The following TRDN variants were observed in gnomAD, a reference collection of about 807,000 sequenced individuals.
TRDN encodes the protein triadin.
Under a neutral mutation model 149.7 loss-of-function variants are expected in TRDN, and 161 were observed. That is an observed-to-expected ratio of 1.08 (90% CI 0.95 to 1.23). TRDN has a LOEUF of 1.23. Among genes scored for constraint, TRDN ranks in the 50% most tolerant of loss-of-function variants. The pLI is 0.00. For synonymous variants in TRDN, 294 were observed against 250.5 expected (o/e 1.17, Z -1.64); for missense variants, 896 against 823.5 (o/e 1.09, Z -1.08).
At chr6:123,463,696 A>T (rs954366367) in intron 10 of TRDN, among the ~76,000 whole-genome samples, 4 of 151,844 alleles carry the variant, frequency 2.6e-5, no homozygotes, top group Non-Finnish European at 5.9e-5. Flanking sequence ...TTTGTGTCAA[A>T]TTCTCTTAAG....
chr6:123,332,930 C>T (rs958409686), intron 22 of TRDN, among the ~76,000 whole-genome samples: 4 of 151,988 alleles, frequency 2.6e-5, no homozygotes, highest in Non-Finnish European at 2.9e-5. Flanking sequence ...ATTTTCTTGT[C>T]GGGTAAGCTG....
intron 1 of TRDN, among the ~76,000 whole-genome samples, chr6:123,609,381 TATAAC>T (rs1273351793): frequency 2.0e-5 from 3 of 152,120 alleles, no homozygotes; most frequent in Non-Finnish European, 2.9e-5. Context: ...AATATATAAT[TATAAC>T]ATACATGTGA....
At chr6:123,509,241 A>T (rs1779061430) in intron 7 of TRDN, among the ~76,000 whole-genome samples, 1 of 151,980 alleles carries the variant, frequency 6.6e-6, no homozygotes, top group African/African-American at 2.4e-5. Flanking sequence ...AATGGAAAGT[A>T]TTTATGGCAA....
intron 29 of TRDN, among the ~76,000 whole-genome samples, chr6:123,272,611 A>G (rs1777240924): frequency 6.6e-6 from 1 of 151,972 alleles, no homozygotes; most frequent in South Asian, 2.1e-4. Context: ...TAAAATGATC[A>G]TATTTTAATA....
At position 123,392,753 on chromosome 6, in the gene TRDN, G is replaced by T. The variant is rs571734849; in HGVS notation, c.1105+871C>A. ...ACAAACCCATGTTACCAATATTTTCGGGGGTGATTCTGCATGTTGCTGGGT... is the reference window on the plus strand; with the variant it reads ...ACAAACCCATGTTACCAATATTTTCTGGGGTGATTCTGCATGTTGCTGGGT... On this transcript the variant is annotated intron_variant, in intron 13 of 40. Coordinates refer to ENST00000334268, the MANE Select transcript of TRDN (RefSeq NM_006073.4). Among the ~76,000 whole-genome samples the T allele has an allele frequency of 1.1e-4, 16 of 151,900 alleles. No individual in the cohort carries two copies. In the South Asian group the frequency reaches 3.3e-3, roughly 32 times the overall value.
chr6:123,324,357 A>G lies in TRDN; in HGVS notation c.1471+7522T>C, dbSNP rs531569733. Reference sequence around the variant, plus strand: ...GAAGCCAGGTGTGTGGTGCATGCTTATAATTCCAGGTACTCAGGAGGCTGA... The same window carrying G: ...GAAGCCAGGTGTGTGGTGCATGCTTGTAATTCCAGGTACTCAGGAGGCTGA... On this transcript the variant is annotated intron_variant, in intron 23 of 40. Transcript: ENST00000334268. Among the ~76,000 whole-genome samples, 9 of 152,242 alleles carry G rather than the reference A, an allele frequency of 5.9e-5. No homozygotes were observed. In the South Asian group the frequency reaches 1.9e-3, roughly 32 times the overall value.
In TRDN at chr6:123,603,850, C is replaced by T. The variant is rs140265085; in HGVS notation, c.23-32718G>A. Among the ~76,000 whole-genome samples, 494 of 152,212 alleles carry T rather than the reference C, an allele frequency of 3.2e-3. 2 individuals are homozygous for T. The highest frequency in any genetic ancestry group is 0.011 in the African/African-American group (471 of 41,540). On this transcript the variant is annotated intron_variant, in intron 1 of 40. Coordinates refer to ENST00000334268, the MANE Select transcript of TRDN (RefSeq NM_006073.4). ...ATGCATTTCTGAAGATATCATTGGGCATAAACTGAAATTAGCAATTCACAT... is the reference window on the plus strand; with the variant it reads ...ATGCATTTCTGAAGATATCATTGGGTATAAACTGAAATTAGCAATTCACAT...
In TRDN at chr6:123,377,847, G is replaced by A; in HGVS notation, c.1219+19C>T. ...AATATTATGAAATTGTGAGAACAGA[G>A]GAATTTAAAAACAGTTACCTGGTTC... On this transcript the variant is annotated intron_variant, in intron 17 of 40. Transcript: ENST00000334268. 1 of 1,591,006 alleles carries A rather than the reference G, an allele frequency of 6.3e-7. No homozygotes were observed. Among genetic ancestry groups the A allele is most frequent in the South Asian group, 1.1e-5 (1 of 89,292 alleles).
Position 123,409,536 on chromosome 6 carries a change from G to A in TRDN, c.1052-15859C>T, listed in dbSNP as rs184951434. On this transcript the variant is annotated intron_variant, in intron 12 of 40. Transcript: ENST00000334268. ...TTTGAACATAATAGCCACTTGCAAA[G>A]GTATTCATTCTTCCTACTTTTGAAT... Among the ~76,000 whole-genome samples the A allele has an allele frequency of 1.1e-4, 16 of 152,196 alleles. No individual in the cohort carries two copies. In the East Asian group the frequency reaches 3.1e-3, roughly 29 times the overall value.
chr6:123,281,006 T>C (rs1235389386), intron 24 of TRDN, among the ~76,000 whole-genome samples: 1 of 151,936 alleles, frequency 6.6e-6, no homozygotes, highest in Non-Finnish European at 1.5e-5. Context: ...TGAGCAAAAA[T>C]GAATGTAGAA....
intron 1 of TRDN, among the ~76,000 whole-genome samples, chr6:123,581,735 G>A (rs950857653): frequency 2.6e-5 from 4 of 152,118 alleles, no homozygotes; most frequent in African/African-American, 9.7e-5. Context: ...GTCCAAAGAA[G>A]GCTACAACAG....
chr6:123,501,402 A>G (rs759677670), intron 8 of TRDN, among the ~76,000 whole-genome samples: 1 of 56,012 alleles, frequency 1.8e-5, no homozygotes, highest in Non-Finnish European at 3.8e-5. Context: ...AGCTAACTCA[A>G]CAGTTAGCTT....
chr6:123,234,246 C>T (rs1775708341), intron 38 of TRDN, among the ~76,000 whole-genome samples: 1 of 151,978 alleles, frequency 6.6e-6, no homozygotes, highest in Non-Finnish European at 1.5e-5. Flanking sequence ...TCCATTTCAG[C>T]ATGTGACCTC....
chr6:123,267,777 G>C, intron 31 of TRDN, 26 bp from the exon 32 acceptor site: 1 of 1,540,224 alleles, frequency 6.5e-7, no homozygotes. Flanking sequence ...AAAATTCACT[G>C]GCAATCTGTG....
chr6:123,365,111 A>C (rs914047182), intron 20 of TRDN, among the ~76,000 whole-genome samples: 2 of 152,208 alleles, frequency 1.3e-5, no homozygotes, highest in African/African-American at 2.4e-5. Context: ...AATGACTAGG[A>C]AATAGATTTT....
intron 38 of TRDN, among the ~76,000 whole-genome samples, chr6:123,227,388 C>G (rs1226533245): frequency 1.3e-5 from 2 of 151,816 alleles, no homozygotes; most frequent in Non-Finnish European, 2.9e-5. Flanking sequence ...TGGTGCCACT[C>G]CCAACTACAA....
At chr6:123,482,392 CAATTA>C (rs937256463) in intron 9 of TRDN, among the ~76,000 whole-genome samples, 2 of 152,168 alleles carry the variant, frequency 1.3e-5, no homozygotes, top group African/African-American at 4.8e-5. Flanking sequence ...CTTAACACAA[CAATTA>C]AATTCACAAA....
At chr6:123,512,833 T>C (rs941233993) in intron 6 of TRDN, among the ~76,000 whole-genome samples, 1 of 152,110 alleles carries the variant, frequency 6.6e-6, no homozygotes, top group African/African-American at 2.4e-5. Context: ...TAGTAAAATA[T>C]GAGATTTAAT....
At chr6:123,500,340 C>CT (rs1286730916) in intron 8 of TRDN, among the ~76,000 whole-genome samples, 3 of 151,972 alleles carry the variant, frequency 2.0e-5, no homozygotes, top group Admixed American at 2.0e-4. Flanking sequence ...TGGCAATGAC[C>CT]TTAACAACGT....
Sources: allele counts gnomAD v4.1 joint callset (sites outside exome capture counted in the v4.1 genomes callset), GRCh38; gene constraint gnomAD v4.1.1; transcripts MANE v1.5; gene names NCBI Gene and HGNC (gene_info 2026-07-23, HGNC 2026-07-21).